The following PWP1 variants were observed in gnomAD, a reference collection of about 807,000 sequenced individuals.
PWP1 encodes PWP1 homolog, endonuclein.
In PWP1, 47 loss-of-function variants were observed where a neutral mutation model predicts 69.9. The observed-to-expected ratio is 0.67, with a 90% confidence interval of 0.53 to 0.86. The LOEUF is 0.86. Ranked by LOEUF, PWP1 falls within the 40% of genes least tolerant of loss-of-function variation. The pLI, the probability that PWP1 is intolerant of heterozygous loss-of-function variation, is 0.00. For synonymous variants in PWP1, 222 were observed against 208.2 expected, an observed-to-expected ratio of 1.07 and a Z score of -0.57; for missense variants, 551 against 608.8, an observed-to-expected ratio of 0.91 and a Z score of 1.00.
intron 5 of PWP1, among the ~76,000 whole-genome samples, chr12:107,694,337 A>G (rs1294499826): frequency 1.3e-5 from 2 of 152,202 alleles, no homozygotes; most frequent in African/African-American, 2.4e-5. Context: ...TATTAGGCTG[A>G]TAAGTCCTTT....
chr12:107,688,735 C>T lies in PWP1; in HGVS notation c.252C>T (p.Asp84=). The part of the protein sequence containing the change: ...EPLEDGDPED[D]RTLDDDELAE... ...TGGAGGATGGTGACCCAGAGGATGA[C>T]AGGACGCTTGATGATGATGAGCTGG... is the stretch of plus-strand genomic sequence containing the variant. Residue 84 remains aspartate (D), a synonymous_variant, in exon 3 of 15, where the codon GAC becomes GAT. Coordinates refer to ENST00000412830, the MANE Select transcript of PWP1 (RefSeq NM_007062.3). 1.2e-6 allele frequency: 2 copies of T among 1,614,210 alleles called. No homozygotes were observed. The highest frequency in any genetic ancestry group is 2.2e-5 in the South Asian group (2 of 91,080).
At chr12:107,691,500 T>C (rs1462720067) in intron 3 of PWP1, among the ~76,000 whole-genome samples, 1 of 152,126 alleles carries the variant, frequency 6.6e-6, no homozygotes, top group African/African-American at 2.4e-5. Flanking sequence ...AGGGTGAATC[T>C]CTTAGAGGAG....
Position 107,706,225 on chromosome 12 carries a change from G to A in PWP1, c.1077+1478G>A, listed in dbSNP as rs181799439. The stretch of plus-strand genomic sequence containing the variant: ...TGAGAAGTGTCTATTCATATCCTTC[G>A]CCCACTTTTTGATGGGGCTGTTTTT... On this transcript the variant is annotated intron_variant, in intron 11 of 14. Transcript: ENST00000412830. Among the ~76,000 whole-genome samples, 7 of 152,196 alleles carry A rather than the reference G, an allele frequency of 4.6e-5. No individual in the cohort carries two copies. The East Asian group carries it at 5.8e-4, about 13-fold the overall frequency.
At chr12:107,693,166 T>C in intron 5 of PWP1, 70 bp downstream of exon 5, 4 of 1,523,308 alleles carry the variant, frequency 2.6e-6, no homozygotes, top group Non-Finnish European at 3.5e-6. Context: ...TAGTTACCAT[T>C]TCATTTTTAG....
Position 107,692,701 on chromosome 12 carries a change from GAGTT to G in PWP1, c.320-107_320-104del. On this transcript the variant is annotated intron_variant, in intron 3 of 14. Coordinates refer to ENST00000412830, the MANE Select transcript of PWP1 (RefSeq NM_007062.3). ...TCCTTTCCCAACTCTAGATGATCCA[GAGTT>G]AGTTATAAAATAGATGATTGCATCT... 7 of 879,584 alleles carry G rather than the reference GAGTT, an allele frequency of 8.0e-6. No individual in the cohort carries two copies. In the East Asian group the frequency reaches 1.3e-4, roughly 17 times the overall value. The allele number at this position is 879,584 out of a possible 1,614,324, so 54.5% of individuals were successfully genotyped here. A position where few individuals can be genotyped will look rare whatever the true frequency, so the allele number is the denominator to read the frequency against.
At chr12:107,688,986 A>C (rs891490770) in intron 3 of PWP1, among the ~76,000 whole-genome samples, 184 bp downstream of exon 3, 1 of 152,182 alleles carries the variant, frequency 6.6e-6, no homozygotes, top group African/African-American at 2.4e-5. Flanking sequence ...TAACCCACTA[A>C]GATACAAATC....
rs1302473861 is a variant in PWP1 at position 107,692,912 on chromosome 12, A to T, written c.405+13A>T. 6.2e-7 allele frequency: 1 copy of T among 1,613,586 alleles called. No individual in the cohort carries two copies. Among genetic ancestry groups the T allele is most frequent in the African/African-American group, 1.3e-5 (1 of 74,878 alleles). ...TCTGAAAGATACAGTAAGTATTTAC[A>T]TCTTTTTTCTAATTATGCTCTTAAG... On this transcript the variant is annotated intron_variant, in intron 4 of 14. Coordinates refer to ENST00000412830, the MANE Select transcript of PWP1 (RefSeq NM_007062.3).
intron 7 of PWP1, among the ~76,000 whole-genome samples, chr12:107,698,341 A>T (rs1023476095): frequency 2.0e-5 from 3 of 151,910 alleles, no homozygotes; most frequent in African/African-American, 7.3e-5. Context: ...TGTGTGACAG[A>T]GCGAGACTCT....
chr12:107,690,673 G>C (rs1297085198), intron 3 of PWP1, among the ~76,000 whole-genome samples: 1 of 152,134 alleles, frequency 6.6e-6, no homozygotes, highest in Non-Finnish European at 1.5e-5. Flanking sequence ...ATGTTGGCCG[G>C]GATGGTCTCA....
chr12:107,710,399 C>CTCTAGGGAGTTCTCT lies in PWP1; in HGVS notation c.1291-2_1303dup. 6.2e-7 allele frequency: 1 copy of CTCTAGGGAGTTCTCT among 1,613,126 alleles called. No individual in the cohort carries two copies. The highest frequency in any genetic ancestry group is 8.5e-7 in the Non-Finnish European group (1 of 1,179,446). The stretch of plus-strand genomic sequence containing the variant: ...TGAAATCACCATCTTCCTGTTCTCT[C>CTCTAGGGAGTTCTCT]TCTAGGGAGTTCTCTTCTGTTCTTC... On this transcript the variant is annotated splice_polypyrimidine_tract_variant and splice_region_variant and intron_variant, in intron 13 of 14. Transcript: ENST00000412830.
At chr12:107,702,412 C>G (rs754831783) in intron 8 of PWP1, among the ~76,000 whole-genome samples, 5 of 152,106 alleles carry the variant, frequency 3.3e-5, no homozygotes, top group Non-Finnish European at 7.3e-5. Flanking sequence ...TCCTGAGTAA[C>G]TGGGATTACA....
chr12:107,701,607 T>G (rs1477867766), intron 8 of PWP1, among the ~76,000 whole-genome samples: 1 of 152,192 alleles, frequency 6.6e-6, no homozygotes, highest in Non-Finnish European at 1.5e-5. Context: ...GAGTTTTTTT[T>G]GTGTGTATGG....
intron 11 of PWP1, among the ~76,000 whole-genome samples, chr12:107,705,190 T>C (rs1889793478): frequency 6.6e-6 from 1 of 152,144 alleles, no homozygotes; most frequent in Non-Finnish European, 1.5e-5. Flanking sequence ...ATAAGACCTC[T>C]GTCTAAATAC....
At chr12:107,688,421 T>G in intron 1 of PWP1, 27 bp from the exon 2 acceptor site, 1 of 1,586,770 alleles carries the variant, frequency 6.3e-7, no homozygotes, top group Non-Finnish European at 8.6e-7. Context: ...TTACACATAT[T>G]GTAATGAAAT....
chr12:107,696,029 CTTT>C, intron 5 of PWP1, among the ~76,000 whole-genome samples: 1 of 103,740 alleles, frequency 9.6e-6, no homozygotes, highest in East Asian at 3.2e-4. Context: ...ATATTGGAAT[CTTT>C]TTTTTTTTTT....
chr12:107,710,563 A>AAAG, intron 14 of PWP1, 53 bp downstream of exon 14: 1 of 1,482,886 alleles, frequency 6.7e-7, no homozygotes, highest in Non-Finnish European at 9.0e-7. Context: ...AAAAAAAAAA[A>AAAG]AAAAAAAAAA....
chr12:107,698,205 T>C (rs181031569), intron 7 of PWP1, among the ~76,000 whole-genome samples: 5 of 152,150 alleles, frequency 3.3e-5, no homozygotes, highest in Admixed American at 6.5e-5. Context: ...CTACTAAATA[T>C]ACAAAAATTA....
At position 107,686,031 on chromosome 12, in the gene PWP1, C is replaced by T. The variant is rs376651607; in HGVS notation, c.72+60C>T. 34 of 1,572,686 alleles carry T rather than the reference C, an allele frequency of 2.2e-5. 1 individual carries two copies. The highest frequency in any genetic ancestry group is 2.0e-4 in the African/African-American group (15 of 74,022). On this transcript the variant is annotated intron_variant, in intron 1 of 14. Coordinates refer to ENST00000412830, the MANE Select transcript of PWP1 (RefSeq NM_007062.3). ...CGTCTTTACGGCACTGGGGGTCCGC[C>T]CAGCTGGGGGAACGTGGACCCGGAA...
chr12:107,697,494 C>T lies in PWP1; in HGVS notation c.641C>T (p.Thr214Ile), dbSNP rs772293695. 1.0e-5 allele frequency: 16 copies of T among 1,600,778 alleles called. No homozygotes were observed. In the African/African-American group the frequency reaches 1.9e-4, roughly 19 times the overall value. The change falls in exon 7 of 15, where the codon ACC becomes ATC. Residue 214 changes from threonine (T) to isoleucine (I), a missense_variant. Transcript: ENST00000412830. Reference sequence around the variant, plus strand: ...AATTACATTGCTGTAGGAAACATGACCCCTGTTATTGAAGTGTGGGACCTT... The same window carrying T: ...AATTACATTGCTGTAGGAAACATGATCCCTGTTATTGAAGTGTGGGACCTT... ...TGNYIAVGNMTPVIEVWDLDI... is the reference protein window; with the variant it reads ...TGNYIAVGNMIPVIEVWDLDI...
Sources: allele counts gnomAD v4.1 joint callset (sites outside exome capture counted in the v4.1 genomes callset), GRCh38; gene constraint gnomAD v4.1.1; transcripts MANE v1.5; gene names NCBI Gene and HGNC (gene_info 2026-07-23, HGNC 2026-07-21).